The following PPP1R1C variants were observed in gnomAD, a reference collection of about 807,000 sequenced individuals.
The protein encoded by PPP1R1C is protein phosphatase 1 regulatory subunit 1C.
In PPP1R1C, 15 loss-of-function variants were observed where a neutral mutation model predicts 17.4. The observed-to-expected ratio is 0.86, with a 90% CI of 0.58 to 1.33. The LOEUF is 1.33. PPP1R1C is among the 40% of genes most tolerant of loss of function. PPP1R1C has a pLI of 0.00. For missense variants in PPP1R1C, 143 were observed against 130.0 expected, an observed-to-expected ratio of 1.10 and a Z score of -0.48; for synonymous variants, 35 against 43.1, an observed-to-expected ratio of 0.81 and a Z score of 0.73.
chr2:182,076,181 C>CTTT lies in PPP1R1C; in HGVS notation c.241+12398_241+12400dup, dbSNP rs1319925818. On this transcript the variant is annotated intron_variant, in intron 4 of 4. Transcript: ENST00000682840. ...TTATCTATAAATCAAGGATTTTGAA[C>CTTT]TTTTTTTTTTCTTTTCTTTTTTTTT... Among the ~76,000 whole-genome samples the CTTT allele has an allele frequency of 4.4e-4, 21 of 47,484 alleles. 3 individuals are homozygous for CTTT. Among genetic ancestry groups the CTTT allele is most frequent in the African/African-American group, 1.7e-3 (20 of 11,570 alleles). The allele number at this position is 47,484 out of a possible 152,430, so 31.2% of individuals were successfully genotyped here. A position where few individuals can be genotyped will look rare whatever the true frequency, so the allele number is the denominator to read the frequency against.
intron 2 of PPP1R1C, among the ~76,000 whole-genome samples, chr2:182,027,138 C>G (rs1686642397): frequency 7.0e-6 from 1 of 143,688 alleles, no homozygotes; most frequent in Non-Finnish European, 1.5e-5. Flanking sequence ...TCTAGATATA[C>G]AATCATGTCG....
chr2:182,032,950 A>G (rs1241186679), intron 2 of PPP1R1C, among the ~76,000 whole-genome samples: 1 of 152,104 alleles, frequency 6.6e-6, no homozygotes, highest in Non-Finnish European at 1.5e-5. Flanking sequence ...TTCTTGAGAG[A>G]GTTGTTGCAA....
At chr2:182,109,718 C>T (rs1179251754) in intron 4 of PPP1R1C, among the ~76,000 whole-genome samples, 1 of 152,080 alleles carries the variant, frequency 6.6e-6, no homozygotes, top group African/African-American at 2.4e-5. Flanking sequence ...TCTGTTTTTT[C>T]ACCACACACT....
At chr2:182,124,328 T>TTTTTTTTTTTTTTTTTTTTTTTTTTG (rs1689817983) in intron 5 of PPP1R1C, among the ~76,000 whole-genome samples, 3 of 55,598 alleles carry the variant, frequency 5.4e-5, no homozygotes, top group Non-Finnish European at 1.5e-4. Context: ...TTTTTTTTTG[T>TTTTTTTTTTTTTTTTTTTTTTTTTTG]TTTTTTTTTT....
At chr2:182,024,264 G>C (rs1195083425) in intron 2 of PPP1R1C, among the ~76,000 whole-genome samples, 1 of 152,118 alleles carries the variant, frequency 6.6e-6, no homozygotes, top group Non-Finnish European at 1.5e-5. Flanking sequence ...TCAATCCTTA[G>C]AATTAAGGTT....
At chr2:181,970,483 T>C (rs1410147003) in intron 1 of PPP1R1C, among the ~76,000 whole-genome samples, 1 of 152,124 alleles carries the variant, frequency 6.6e-6, no homozygotes, top group Non-Finnish European at 1.5e-5. Context: ...TCTCTTACAT[T>C]TCCCCAAACA....
At chr2:182,021,271 T>C (rs376530040) in intron 2 of PPP1R1C, among the ~76,000 whole-genome samples, 4 of 150,620 alleles carry the variant, frequency 2.7e-5, no homozygotes, top group African/African-American at 9.8e-5. Flanking sequence ...TAAGAAGCTA[T>C]TCATATGGCC....
At chr2:182,129,973 G>A (rs1466673163) in exon 6 of PPP1R1C, 1 of 152,030 alleles carries the variant, frequency 6.6e-6, no homozygotes, top group Non-Finnish European at 1.5e-5. Flanking sequence ...AATAAAAGAA[G>A]TAAATTTGAA....
At chr2:182,057,224 G>T (rs921522253) in intron 2 of PPP1R1C, among the ~76,000 whole-genome samples, 3 of 152,184 alleles carry the variant, frequency 2.0e-5, no homozygotes, top group African/African-American at 7.2e-5. Flanking sequence ...TCATTCTTTT[G>T]CAGGTTGCCT....
At chr2:182,002,407 C>A (rs543263846) in intron 2 of PPP1R1C, among the ~76,000 whole-genome samples, 3 of 152,082 alleles carry the variant, frequency 2.0e-5, no homozygotes, top group South Asian at 4.1e-4. Flanking sequence ...AAAACGATTA[C>A]CTGCTCCAAA....
rs1574430365 is a variant in PPP1R1C at position 182,075,038 on chromosome 2, C to T, written c.241+11247C>T. ...TAAGAATGTTCAAAGGTTAGAATTT[C>T]AGGAAATTGCTATGTGCACAATATA... On this transcript the variant is annotated intron_variant, in intron 4 of 4. Transcript: ENST00000682840. Among the ~76,000 whole-genome samples, 6 of 152,278 alleles carry T rather than the reference C, an allele frequency of 3.9e-5. No homozygotes were observed. In the Middle Eastern group the frequency reaches 0.017, roughly 432 times the overall value.
intron 4 of PPP1R1C, among the ~76,000 whole-genome samples, chr2:182,078,744 T>C (rs1419082595): frequency 6.6e-6 from 1 of 152,216 alleles, no homozygotes; most frequent in Non-Finnish European, 1.5e-5. Flanking sequence ...TTCACATCTA[T>C]AATTTGAAGA....
chr2:182,032,605 G>T (rs955959696), intron 2 of PPP1R1C, among the ~76,000 whole-genome samples: 1 of 151,996 alleles, frequency 6.6e-6, no homozygotes, highest in African/African-American at 2.4e-5. Flanking sequence ...GTCTCCATTC[G>T]TGCTGAAAGG....
chr2:181,991,655 A>G (rs1397013339), intron 2 of PPP1R1C, among the ~76,000 whole-genome samples: 2 of 152,176 alleles, frequency 1.3e-5, no homozygotes, highest in Non-Finnish European at 1.5e-5. Context: ...AAAGTTCCCT[A>G]TATTTCGTCT....
chr2:182,087,819 C>A (rs964766920), intron 4 of PPP1R1C, among the ~76,000 whole-genome samples: 1 of 152,166 alleles, frequency 6.6e-6, no homozygotes, highest in African/African-American at 2.4e-5. Flanking sequence ...TTTATAATAT[C>A]ATGTATTTTT....
chr2:181,976,591 T>C lies in PPP1R1C; in HGVS notation n.157+1327T>C, dbSNP rs562765608. Among the ~76,000 whole-genome samples, 1 of 152,218 alleles carries C rather than the reference T, an allele frequency of 6.6e-6. No homozygotes were observed. The highest frequency in any genetic ancestry group is 2.4e-5 in the African/African-American group (1 of 41,460). ...TCTCCTCACCTTAATATAAATTTTA[T>C]CTATATATCTGTATATCTATATCTA... On this transcript the variant is annotated intron_variant and non_coding_transcript_variant, in intron 2 of 5. Coordinates refer to the PPP1R1C transcript ENST00000464264. The surrounding 1 kb of genome is among the most constrained non-coding windows in gnomAD (Gnocchi z 4.8).
At chr2:182,126,951 T>TA (rs1341928797) in intron 5 of PPP1R1C, among the ~76,000 whole-genome samples, 1 of 152,082 alleles carries the variant, frequency 6.6e-6, no homozygotes, top group Non-Finnish European at 1.5e-5. Context: ...TTTAATTTCT[T>TA]ACGCTATAAA....
rs1259910789 is a variant in PPP1R1C at position 181,962,476 on chromosome 2, C to T, written n.111+7842C>T. 1 of 697,128 alleles carries T rather than the reference C, an allele frequency of 1.4e-6. No homozygotes were observed. The highest frequency in any genetic ancestry group is 2.9e-5 in the East Asian group (1 of 34,424). 43.2% of individuals were successfully genotyped at this position (697,128 alleles called of 1,614,324 possible). A position where few individuals can be genotyped will look rare whatever the true frequency, so the allele number is the denominator to read the frequency against. On this transcript the variant is annotated intron_variant and non_coding_transcript_variant, in intron 1 of 5. Coordinates refer to the PPP1R1C transcript ENST00000464264. The surrounding 1 kb of genome is among the most constrained non-coding windows in gnomAD (Gnocchi z 6.0). ...AGAAGATGGAGCGAGTGGTGAAGCT[C>T]ATGCTATCCAGGGAGGAGAGTGAGA... is the stretch of plus-strand genomic sequence containing the variant.
intron 2 of PPP1R1C, among the ~76,000 whole-genome samples, chr2:182,025,684 T>A (rs1221452675): frequency 7.4e-6 from 1 of 134,354 alleles, no homozygotes; most frequent in African/African-American, 3.1e-5. Flanking sequence ...TGCATGTGTC[T>A]TTATAGCAGC....
Sources: allele counts gnomAD v4.1 joint callset (sites outside exome capture counted in the v4.1 genomes callset), GRCh38; gene constraint gnomAD v4.1.1; non-coding constraint Gnocchi (gnomAD v3.1); transcripts MANE v1.5; gene names NCBI Gene and HGNC (gene_info 2026-07-23, HGNC 2026-07-21).